GAS6: variants seen among roughly 807,000 people sequenced by gnomAD.
The protein encoded by GAS6 is growth arrest specific 6.
A neutral mutation model predicts 75.8 loss-of-function variants in GAS6; 41 were observed. The observed-to-expected ratio is 0.54, with a 90% CI of 0.42 to 0.70. GAS6 has a LOEUF of 0.70. Among genes scored for constraint, GAS6 ranks in the 30% least tolerant of loss-of-function variants. The pLI is 0.00. For synonymous variants in GAS6, 432 were observed against 412.6 expected (o/e 1.05, Z -0.57); for missense variants, 854 against 940.2 (o/e 0.91, Z 1.20).
At chr13:113,826,861 A>ACCCCG (rs2051555878) in intron 12 of GAS6, 135 bp downstream of exon 12, 3 of 56,350 alleles carry the variant, frequency 5.3e-5, no homozygotes, top group African/African-American at 2.0e-4. Flanking sequence ...CACCCCGCCC[A>ACCCCG]CCCATCCCTG....
Position 113,823,466 on chromosome 13 carries a change from A to G in GAS6, c.1562T>C (p.Val521Ala). Residue 521 changes from valine (V) to alanine (A), a missense_variant, in exon 13 of 15, where the codon GTG (valine) becomes GCG (alanine). By Grantham distance (64) the Val-to-Ala change is moderately conservative. Coordinates refer to ENST00000327773, the MANE Select transcript of GAS6 (RefSeq NM_000820.4). ...AHIRPAADTG[V>A]LFALWAPDLR... Reference sequence around the variant, plus strand: ...GTCGGGGGCCCAGAGCGCAAACAGCACGCCTGTGTCTGCGGCTGGGCGGAT... The same window carrying G: ...GTCGGGGGCCCAGAGCGCAAACAGCGCGCCTGTGTCTGCGGCTGGGCGGAT... 2 of 1,612,804 alleles carry G rather than the reference A, an allele frequency of 1.2e-6. No individual in the cohort carries two copies. Among genetic ancestry groups the G allele is most frequent in the Non-Finnish European group, 1.7e-6 (2 of 1,179,964 alleles).
intron 6 of GAS6, chr13:113,836,032 T>C (rs2051699053): frequency 9.9e-7 from 1 of 1,011,990 alleles, no homozygotes; most frequent in African/African-American, 1.7e-5. Context: ...AAGCATTTAC[T>C]GGTTTCAATC....
chr13:113,826,852 A>AACCCC, intron 12 of GAS6, 144 bp downstream of exon 12: 3 of 55,496 alleles, frequency 5.4e-5, no homozygotes, highest in South Asian at 2.1e-4. Flanking sequence ...ACCTCCGCCC[A>AACCCC]CCCCGCCCAC....
In GAS6 at chr13:113,839,880, G is replaced by A. The variant is rs375372084; in HGVS notation, c.344-30C>T. On this transcript the variant is annotated intron_variant, in intron 4 of 14. Transcript: ENST00000327773. ...TTGGGGACACAAAGTGGAAAATCAT[G>A]TTCAGCTGCCCCACCCCTGCGCGCC... 6 of 1,613,282 alleles carry A rather than the reference G, an allele frequency of 3.7e-6. 1 individual carries two copies. In the South Asian group the frequency reaches 5.5e-5, roughly 15 times the overall value.
chr13:113,832,918 T>A (rs1196666294), intron 8 of GAS6, 166 bp from the exon 9 acceptor site: 2 of 1,503,596 alleles, frequency 1.3e-6, no homozygotes, highest in Non-Finnish European at 8.9e-7. Context: ...CCTGCCCCAC[T>A]GGGACTCCCA....
chr13:113,828,272 T>A (rs369445012), intron 11 of GAS6, among the ~76,000 whole-genome samples: 7 of 145,920 alleles, frequency 4.8e-5, no homozygotes, highest in East Asian at 1.9e-4. Context: ...TCAAAAAAAA[T>A]AATAATAATT....
intron 7 of GAS6, 92 bp from the exon 8 acceptor site, chr13:113,834,764 G>C: frequency 7.8e-7 from 1 of 1,287,284 alleles, no homozygotes; most frequent in African/African-American, 1.5e-5. Context: ...CCACACGCAA[G>C]GTGCGCTCAA....
chr13:113,825,533 G>A (rs2051525663), intron 12 of GAS6, among the ~76,000 whole-genome samples: 2 of 152,200 alleles, frequency 1.3e-5, no homozygotes, highest in South Asian at 4.1e-4. Context: ...AACTGCTTCT[G>A]TCCGGATAGA....
At chr13:113,858,014 G>A (rs1222033418) in intron 2 of GAS6, among the ~76,000 whole-genome samples, 2 of 152,254 alleles carry the variant, frequency 1.3e-5, no homozygotes, top group Non-Finnish European at 2.9e-5. Context: ...GGCCCAGGAG[G>A]AAAGGCCTTG....
At chr13:113,846,433 C>T (rs2051834259) in intron 4 of GAS6, 94 bp downstream of exon 4, 11 of 1,035,740 alleles carry the variant, frequency 1.1e-5, no homozygotes, top group Non-Finnish European at 1.3e-5. Context: ...CCTTAAAAAA[C>T]AGAACTATTC....
In GAS6 at chr13:113,839,470, T is replaced by C. The variant is rs370072819; in HGVS notation, c.466+258A>G. 21 of 434,606 alleles carry C rather than the reference T, an allele frequency of 4.8e-5. No homozygotes were observed. The East Asian group carries it at 6.6e-4, about 14-fold the overall frequency. 26.9% of individuals were successfully genotyped at this position (434,606 alleles called of 1,614,324 possible). On this transcript the variant is annotated intron_variant, in intron 5 of 14. Coordinates refer to ENST00000327773, the MANE Select transcript of GAS6 (RefSeq NM_000820.4). ...ACTCAAGGACGGTCAGAGGTGAAAT[T>C]TCCCCCCCCGCCCTTCAATCAGTGG... is the stretch of plus-strand genomic sequence containing the variant.
intron 4 of GAS6, 68 bp downstream of exon 4, chr13:113,846,459 C>T: frequency 7.0e-7 from 1 of 1,418,692 alleles, no homozygotes; most frequent in African/African-American, 1.4e-5. Context: ...CCTCCACAAA[C>T]CACAGCCAAG....
At chr13:113,860,122 A>G (rs1054028622) in intron 2 of GAS6, among the ~76,000 whole-genome samples, 5 of 152,318 alleles carry the variant, frequency 3.3e-5, no homozygotes, top group East Asian at 1.9e-4. Flanking sequence ...CAGTGGGGAG[A>G]AGAGAGAGAC....
At chr13:113,833,187 C>T (rs972221067) in intron 8 of GAS6, 102 of 1,118,312 alleles carry the variant, frequency 9.1e-5, no homozygotes, top group African/African-American at 9.7e-5. Context: ...GAACCAAAGC[C>T]GGTGTGAGCT....
chr13:113,863,699 G>A lies in GAS6; in HGVS notation c.131C>T (p.Pro44Leu). The part of the protein sequence containing the change: ...PAREATQFLR[P>L]RQRRAFQVFE... Reference sequence around the variant, plus strand: ...GACCTGAAAGGCGCGGCGCTGCCTGGGCCGCAGGAACTGCGTGGCCTCGCG... The same window carrying A: ...GACCTGAAAGGCGCGGCGCTGCCTGAGCCGCAGGAACTGCGTGGCCTCGCG... The change falls in exon 2 of 15, where the codon CCC (proline) becomes CTC (leucine). Residue 44 changes from proline (P) to leucine (L), a missense_variant. Physicochemically the swap from Pro to Leu is moderately conservative, Grantham distance 98. Coordinates refer to ENST00000327773, the MANE Select transcript of GAS6 (RefSeq NM_000820.4). The surrounding 1 kb of genome is among the most constrained non-coding windows in gnomAD (Gnocchi z 9.4). 1 of 1,514,102 alleles carries A rather than the reference G, an allele frequency of 6.6e-7. No homozygotes were observed. The highest frequency in any genetic ancestry group is 8.8e-7 in the Non-Finnish European group (1 of 1,133,052). The allele number at this position is 1,514,102 out of a possible 1,614,324, so 93.8% of individuals were successfully genotyped here. A position where few individuals can be genotyped will look rare whatever the true frequency, so the allele number is the denominator to read the frequency against.
At chr13:113,826,468 C>T (rs113872226) in intron 12 of GAS6, among the ~76,000 whole-genome samples, 3,464 of 84,574 alleles carry the variant, frequency 0.041, 41 homozygotes, top group Admixed American at 0.066. Flanking sequence ...GCGCCGGCCT[C>T]GCAGGCACCT....
intron 7 of GAS6, among the ~76,000 whole-genome samples, chr13:113,835,291 C>A (rs534892478): frequency 6.6e-6 from 1 of 152,282 alleles, no homozygotes; most frequent in South Asian, 2.1e-4. Flanking sequence ...TGCATGTGTG[C>A]GGTTCGTTCA....
At chr13:113,842,235 C>G (rs1003466131) in intron 4 of GAS6, 1 of 172,734 alleles carries the variant, frequency 5.8e-6, no homozygotes, top group South Asian at 2.1e-4. Flanking sequence ...AGTTTCCTCC[C>G]TACACCTCCG....
rs1175200675 is a variant in GAS6 at position 113,863,754 on chromosome 13, A to C, written c.89-13T>G. On this transcript the variant is annotated splice_polypyrimidine_tract_variant and intron_variant, in intron 1 of 14. Transcript: ENST00000327773. This position sits in a 1 kb window ranked among gnomAD's most constrained non-coding sequence, Gnocchi z 9.4. ...GGCAACAGCGCGGCTGCCCGGAGGG[A>C]GAGAGGGGGACGCGTCAAGCCGCGC... 1 of 1,481,016 alleles carries C rather than the reference A, an allele frequency of 6.8e-7. No homozygotes were observed. The highest frequency in any genetic ancestry group is 1.3e-5 in the South Asian group (1 of 78,826). 91.7% of individuals were successfully genotyped at this position (1,481,016 alleles called of 1,614,324 possible). A position where few individuals can be genotyped will look rare whatever the true frequency, so the allele number is the denominator to read the frequency against.
Sources: allele counts gnomAD v4.1 joint callset (sites outside exome capture counted in the v4.1 genomes callset), GRCh38; gene constraint gnomAD v4.1.1; non-coding constraint Gnocchi (gnomAD v3.1); transcripts MANE v1.5; gene names NCBI Gene and HGNC (gene_info 2026-07-23, HGNC 2026-07-21).